The following ADGRL3 variants were observed in gnomAD, a reference collection of about 807,000 sequenced individuals.
ADGRL3 encodes adhesion G protein-coupled receptor L3.
A neutral mutation model predicts 153.5 loss-of-function variants in ADGRL3; 62 were observed. The ratio of observed to expected loss-of-function variants is 0.40; its 90% CI spans 0.33 to 0.50. The LOEUF is 0.50. ADGRL3 is among the 20% of genes least tolerant of loss of function. The pLI, the probability that ADGRL3 is intolerant of heterozygous loss-of-function variation, is 0.47. For missense variants in ADGRL3, 1,641 were observed against 1,859.4 expected (o/e 0.88, Z 2.16); for synonymous variants, 710 against 672.5 (o/e 1.06, Z -0.86).
chr4:61,645,701 C>T (rs961839853), intron 5 of ADGRL3, among the ~76,000 whole-genome samples: 33 of 151,998 alleles, frequency 2.2e-4, no homozygotes, highest in Non-Finnish European at 2.5e-4. Context: ...CGACCTTTCT[C>T]TCTGGCTGCC....
chr4:61,948,457 CTT>C (rs1223268074), intron 17 of ADGRL3, among the ~76,000 whole-genome samples, 181 bp downstream of exon 17: 2 of 152,132 alleles, frequency 1.3e-5, no homozygotes, highest in African/African-American at 2.4e-5. Flanking sequence ...CTTGTTATCT[CTT>C]TTCCTATTAT....
In ADGRL3 at chr4:62,051,735, G is replaced by A. The variant is rs762263091; in HGVS notation, c.3814+7186G>A. Among the ~76,000 whole-genome samples the A allele has an allele frequency of 4.4e-4, 66 of 151,500 alleles. 1 individual carries two copies. The highest frequency in any genetic ancestry group is 7.4e-4 in the Non-Finnish European group (50 of 67,686). On this transcript the variant is annotated intron_variant, in intron 25 of 26. Transcript: ENST00000683033. ...TTCCTCACGTTTTTTGATTTATTAC[G>A]TTATTACCTCACATATTATGAGCAG... is the stretch of plus-strand genomic sequence containing the variant.
intron 9 of ADGRL3, among the ~76,000 whole-genome samples, chr4:61,836,402 TAAGTG>T (rs1425169905): frequency 6.6e-6 from 1 of 152,162 alleles, no homozygotes; most frequent in Non-Finnish European, 1.5e-5. Flanking sequence ...GGAAACAATT[TAAGTG>T]TAGTGTTTCC....
chr4:61,920,224 TTTC>T (rs1472592206), intron 13 of ADGRL3, among the ~76,000 whole-genome samples: 3 of 152,172 alleles, frequency 2.0e-5, no homozygotes, highest in African/African-American at 2.4e-5. Context: ...TCAATTTACT[TTTC>T]TATTTCTTTA....
At chr4:61,235,163 A>G (rs550865124) in intron 1 of ADGRL3, among the ~76,000 whole-genome samples, 1 of 152,284 alleles carries the variant, frequency 6.6e-6, no homozygotes, top group East Asian at 1.9e-4. Flanking sequence ...GACACTCAGT[A>G]AATGTTAAGT....
At chr4:61,242,076 G>T (rs1482122454) in intron 1 of ADGRL3, among the ~76,000 whole-genome samples, 1 of 151,982 alleles carries the variant, frequency 6.6e-6, no homozygotes, top group Admixed American at 6.6e-5. Flanking sequence ...CGTTTCTTCA[G>T]TTGTGGTTCT....
At chr4:61,347,724 G>A (rs2095951093) in intron 1 of ADGRL3, among the ~76,000 whole-genome samples, 2 of 152,064 alleles carry the variant, frequency 1.3e-5, no homozygotes, top group South Asian at 2.1e-4. Context: ...AGAATCAAAA[G>A]AGAAGGATTA....
chr4:61,481,543 T>G (rs964945825), intron 2 of ADGRL3, among the ~76,000 whole-genome samples: 2 of 151,292 alleles, frequency 1.3e-5, no homozygotes, highest in African/African-American at 4.8e-5. Flanking sequence ...GCTCCAAAGC[T>G]CATAAAATAA....
At chr4:61,295,294 T>C (rs2094370383) in intron 1 of ADGRL3, among the ~76,000 whole-genome samples, 1 of 152,176 alleles carries the variant, frequency 6.6e-6, no homozygotes, top group South Asian at 2.1e-4. Flanking sequence ...CACATTGTTA[T>C]AATTTTTCTA....
rs1191185611 is a variant in ADGRL3 at position 61,714,829 on chromosome 4, C to CTG, written c.584-15792_584-15791insGT. 2.7e-3 allele frequency among the ~76,000 whole-genome samples: 418 copies of CTG among 152,230 alleles called. 5 individuals carry two copies. The highest frequency in any genetic ancestry group is 3.6e-3 in the Non-Finnish European group (248 of 68,012). On this transcript the variant is annotated intron_variant, in intron 6 of 26. Transcript: ENST00000683033. ...TTTTCTTCATCTCCTTTCCTTCACA[C>CTG]TTGTTTCCTGGATTCATCCTCCGGT...
At chr4:61,464,711 A>G (rs1015278693) in intron 2 of ADGRL3, among the ~76,000 whole-genome samples, 12 of 152,188 alleles carry the variant, frequency 7.9e-5, no homozygotes, top group African/African-American at 2.9e-4. Flanking sequence ...GATATGGAAG[A>G]TATTCTTCAG....
intron 9 of ADGRL3, among the ~76,000 whole-genome samples, chr4:61,856,741 T>C (rs1308940190): frequency 6.8e-6 from 1 of 147,932 alleles, no homozygotes; most frequent in African/African-American, 2.5e-5. Context: ...TTCAGCCTCC[T>C]GAACAGGCAT....
chr4:62,062,341 T>A (rs1225824144), intron 25 of ADGRL3, among the ~76,000 whole-genome samples: 2 of 152,038 alleles, frequency 1.3e-5, no homozygotes, highest in Admixed American at 6.6e-5. Flanking sequence ...GACTTCTTTT[T>A]GCATGCTCGA....
chr4:61,731,197 T>C (rs1230976118), intron 7 of ADGRL3, among the ~76,000 whole-genome samples: 2 of 152,002 alleles, frequency 1.3e-5, no homozygotes. Context: ...ATCCTTTCTA[T>C]GGAAGATTTT....
chr4:61,554,910 G>A (rs533548035), intron 4 of ADGRL3, among the ~76,000 whole-genome samples: 1 of 152,142 alleles, frequency 6.6e-6, no homozygotes, highest in Non-Finnish European at 1.5e-5. Context: ...GAGTAATAAA[G>A]TATGGAGAAG....
intron 2 of ADGRL3, among the ~76,000 whole-genome samples, chr4:61,391,246 G>A (rs986195254): frequency 6.6e-6 from 1 of 152,152 alleles, no homozygotes; most frequent in Admixed American, 6.6e-5. Flanking sequence ...TGTCATGGCA[G>A]AAGGCAAAGA....
At chr4:61,412,526 A>T (rs1156616543) in intron 2 of ADGRL3, among the ~76,000 whole-genome samples, 1 of 152,118 alleles carries the variant, frequency 6.6e-6, no homozygotes, top group Non-Finnish European at 1.5e-5. Flanking sequence ...AGACATGAAC[A>T]ACTTTGGTGT....
rs114164375 is a variant in ADGRL3 at position 61,228,582 on chromosome 4, A to T, written c.-240+26817A>T. ...AACTAGACTGAGAGGACCTTTAAGA[A>T]GAGCAAACCATGACAGATGAAAATT... On this transcript the variant is annotated intron_variant, in intron 1 of 26. Coordinates refer to ENST00000683033, the MANE Select transcript of ADGRL3 (RefSeq NM_001387552.1). 6.3e-3 allele frequency among the ~76,000 whole-genome samples: 962 copies of T among 152,350 alleles called. 13 individuals carry two copies. The highest frequency in any genetic ancestry group is 0.022 in the African/African-American group (913 of 41,592).
At chr4:61,380,610 A>T (rs1456862) in intron 1 of ADGRL3, among the ~76,000 whole-genome samples, 69,918 of 151,780 alleles carry the variant, frequency 0.46, 16,486 homozygotes, top group African/African-American at 0.57. Flanking sequence ...ACTCAAAACA[A>T]TTCCATCTAA....
Sources: allele counts gnomAD v4.1 joint callset (sites outside exome capture counted in the v4.1 genomes callset), GRCh38; gene constraint gnomAD v4.1.1; transcripts MANE v1.5; gene names NCBI Gene and HGNC (gene_info 2026-07-23, HGNC 2026-07-21).